Variants in PCOLCE2 observed in about 807,000 individuals in gnomAD.
The protein encoded by PCOLCE2 is procollagen C-proteinase enhancer 2.
In PCOLCE2, 42 loss-of-function variants were observed where a neutral mutation model predicts 47.0. The ratio of observed to expected loss-of-function variants is 0.89; its 90% CI spans 0.70 to 1.16. The LOEUF is 1.16. Ranked by LOEUF, PCOLCE2 falls within the 50% of genes most tolerant of loss-of-function variation. The pLI is 0.00. For synonymous variants in PCOLCE2, 169 were observed against 191.7 expected, an observed-to-expected ratio of 0.88 and a Z score of 0.98; for missense variants, 500 against 526.1, an observed-to-expected ratio of 0.95 and a Z score of 0.49.
intron 2 of PCOLCE2, among the ~76,000 whole-genome samples, chr3:142,870,706 A>ATATT (rs1382650195): frequency 8.9e-5 from 12 of 135,372 alleles, no homozygotes; most frequent in Admixed American, 6.7e-4. Context: ...GAATGAGGCA[A>ATATT]TTTTTTTTTT....
At chr3:142,854,027 C>T (rs1176154652) in intron 2 of PCOLCE2, among the ~76,000 whole-genome samples, 2 of 152,124 alleles carry the variant, frequency 1.3e-5, no homozygotes, top group Admixed American at 1.3e-4. Context: ...AGAGGAACTG[C>T]ATTTTAAGCT....
intron 8 of PCOLCE2, among the ~76,000 whole-genome samples, chr3:142,820,281 G>T (rs1437889279): frequency 6.6e-6 from 1 of 151,958 alleles, no homozygotes; most frequent in Non-Finnish European, 1.5e-5. Context: ...AAGGAAAAGG[G>T]TTTCACTTTT....
chr3:142,858,291 T>C (rs1933109524), intron 2 of PCOLCE2, among the ~76,000 whole-genome samples: 1 of 152,104 alleles, frequency 6.6e-6, no homozygotes, highest in African/African-American at 2.4e-5. Flanking sequence ...TTTGTCTGAG[T>C]AATTGAACCC....
chr3:142,863,689 C>A (rs1161276188), intron 2 of PCOLCE2, among the ~76,000 whole-genome samples: 1 of 152,186 alleles, frequency 6.6e-6, no homozygotes, highest in East Asian at 1.9e-4. Flanking sequence ...TGGTTAGGTG[C>A]ATCAACAGAG....
At position 142,842,670 on chromosome 3, in the gene PCOLCE2, TG is replaced by T. The variant is rs1375825869; in HGVS notation, c.573+253del. ...AGGAGAATCGCTTGAACCCAGGAGG[TG>T]GAGGTTGCGGTGAGCTGAGATCGCA... On this transcript the variant is annotated intron_variant, in intron 4 of 8. Transcript: ENST00000295992. The surrounding 1 kb of genome is among the most constrained non-coding windows in gnomAD (Gnocchi z 4.1). 6.7e-6 allele frequency among the ~76,000 whole-genome samples: 1 copy of T among 149,210 alleles called. No homozygotes were observed. Among genetic ancestry groups the T allele is most frequent in the Non-Finnish European group, 1.5e-5 (1 of 67,604 alleles).
intron 2 of PCOLCE2, among the ~76,000 whole-genome samples, chr3:142,871,271 T>A (rs752406827): frequency 2.0e-5 from 3 of 152,212 alleles, no homozygotes; most frequent in Non-Finnish European, 4.4e-5. Flanking sequence ...TTATCTCTCA[T>A]CTGAATTACA....
intron 5 of PCOLCE2, among the ~76,000 whole-genome samples, chr3:142,834,448 T>A (rs1560131795): frequency 6.6e-6 from 1 of 152,230 alleles, no homozygotes; most frequent in Non-Finnish European, 1.5e-5. Context: ...GTTTTATAAT[T>A]TTCCCTATTA....
intron 1 of PCOLCE2, 68 bp downstream of exon 1, chr3:142,888,746 G>T: frequency 1.0e-6 from 1 of 955,816 alleles, no homozygotes; most frequent in Non-Finnish European, 1.5e-6. Context: ...GAGTAAAGCA[G>T]CAGGCGAGGC....
chr3:142,862,243 C>G (rs184247702), intron 2 of PCOLCE2, among the ~76,000 whole-genome samples: 1 of 152,214 alleles, frequency 6.6e-6, no homozygotes, highest in East Asian at 1.9e-4. Context: ...CTAACCTCAT[C>G]TGCCCTCCTG....
chr3:142,848,122 A>T (rs1937347722), intron 3 of PCOLCE2, 95 bp downstream of exon 3: 1 of 1,294,052 alleles, frequency 7.7e-7, no homozygotes, highest in Admixed American at 2.2e-5. Context: ...CTCTTTGAGA[A>T]CCACTCTTAA....
intron 2 of PCOLCE2, among the ~76,000 whole-genome samples, chr3:142,854,535 A>G (rs558365886): frequency 1.4e-4 from 21 of 152,374 alleles, no homozygotes; most frequent in Admixed American, 1.2e-3. Flanking sequence ...AATCTTATAC[A>G]TGTTTAAAAA....
chr3:142,888,999 G>GCTGGCTCACACTGGCAGCAGCA lies in PCOLCE2; in HGVS notation c.-104_-103insTGCTGCTGCCAGTGTGAGCCAG. On this transcript the variant is annotated 5_prime_UTR_variant, in exon 1 of 9. Coordinates refer to ENST00000295992, the MANE Select transcript of PCOLCE2 (RefSeq NM_013363.4). ...CACCGCCGCTCACACTGGCAGCAGC[G>GCTGGCTCACACTGGCAGCAGCA]CTGGCTCACACCGGCGCTCGGCTGC... is the stretch of plus-strand genomic sequence containing the variant. 3 of 524,818 alleles carry GCTGGCTCACACTGGCAGCAGCA rather than the reference G, an allele frequency of 5.7e-6. No homozygotes were observed. Among genetic ancestry groups the GCTGGCTCACACTGGCAGCAGCA allele is most frequent in the Non-Finnish European group, 9.0e-6 (3 of 331,622 alleles). The allele number at this position is 524,818 out of a possible 1,614,324, so 32.5% of individuals were successfully genotyped here. A position where few individuals can be genotyped will look rare whatever the true frequency, so the allele number is the denominator to read the frequency against.
At chr3:142,872,690 G>A (rs904132998) in intron 2 of PCOLCE2, among the ~76,000 whole-genome samples, 2 of 151,998 alleles carry the variant, frequency 1.3e-5, no homozygotes, top group African/African-American at 4.8e-5. Flanking sequence ...AACCCCTAAG[G>A]GAAAAAAAAT....
chr3:142,883,835 T>C (rs1023112868), intron 2 of PCOLCE2, among the ~76,000 whole-genome samples: 1 of 152,184 alleles, frequency 6.6e-6, no homozygotes, highest in African/African-American at 2.4e-5. Flanking sequence ...GAGTTTGCAA[T>C]GAATTTATAA....
rs1553813314 is a variant in PCOLCE2 at position 142,829,845 on chromosome 3, GCCTAAAAAA to G, written c.711-8_711del. 1 of 1,549,000 alleles carries G rather than the reference GCCTAAAAAA, an allele frequency of 6.5e-7. No homozygotes were observed. Among genetic ancestry groups the G allele is most frequent in the Non-Finnish European group, 8.7e-7 (1 of 1,144,336 alleles). On this transcript the variant is annotated splice_acceptor_variant and splice_polypyrimidine_tract_variant and coding_sequence_variant and intron_variant, in exon 6 of 9. Coordinates refer to ENST00000295992, the MANE Select transcript of PCOLCE2 (RefSeq NM_013363.4). LOFTEE classifies it high-confidence loss of function. Reference sequence around the variant, plus strand: ...AGTTCATTTCTCTCAGACACAATTGGCCTAAAAAAAGAAAAATGTGTTTTTTTATAAATA... The same window carrying G: ...AGTTCATTTCTCTCAGACACAATTGGAGAAAAATGTGTTTTTTTATAAATA...
chr3:142,880,201 A>G (rs1933584763), intron 2 of PCOLCE2, among the ~76,000 whole-genome samples: 1 of 151,884 alleles, frequency 6.6e-6, no homozygotes, highest in Admixed American at 6.6e-5. Context: ...GGCAACTGAA[A>G]TAATGAGCCT....
At chr3:142,856,717 C>A (rs1009692267) in intron 2 of PCOLCE2, among the ~76,000 whole-genome samples, 1 of 152,182 alleles carries the variant, frequency 6.6e-6, no homozygotes, top group African/African-American at 2.4e-5. Context: ...ACGTTGAAAA[C>A]GAAGAGTATT....
chr3:142,846,313 T>G (rs147101129), intron 3 of PCOLCE2, among the ~76,000 whole-genome samples: 2,404 of 152,314 alleles, frequency 0.016, 62 homozygotes, highest in African/African-American at 0.053. Flanking sequence ...TTCTCCTGCC[T>G]CGGCCTCCCG....
intron 2 of PCOLCE2, among the ~76,000 whole-genome samples, chr3:142,872,628 G>A (rs1933412977): frequency 1.3e-5 from 2 of 152,082 alleles, no homozygotes; most frequent in African/African-American, 2.4e-5. Flanking sequence ...ATCCTTCCTT[G>A]TTGCATCCAT....
Sources: allele counts gnomAD v4.1 joint callset (sites outside exome capture counted in the v4.1 genomes callset), GRCh38; gene constraint gnomAD v4.1.1; non-coding constraint Gnocchi (gnomAD v3.1); transcripts MANE v1.5; gene names NCBI Gene and HGNC (gene_info 2026-07-23, HGNC 2026-07-21).